The following SNAP91 variants were observed in gnomAD, a reference collection of about 807,000 sequenced individuals.
SNAP91 encodes the protein clathrin coat assembly protein AP180.
In SNAP91, 27 loss-of-function variants were observed where a neutral mutation model predicts 100.3. The observed-to-expected ratio is 0.27, with a 90% CI of 0.20 to 0.37. The LOEUF is 0.37. Ranked by LOEUF, SNAP91 falls within the 10% of genes least tolerant of loss-of-function variation. The pLI is 1.00. For missense variants in SNAP91, 986 were observed against 1,123.7 expected (o/e 0.88, Z 1.75); for synonymous variants, 404 against 398.6 (o/e 1.01, Z -0.16).
chr6:83,653,843 G>A (rs1562519788), intron 7 of SNAP91, among the ~76,000 whole-genome samples: 1 of 152,042 alleles, frequency 6.6e-6, no homozygotes, highest in Admixed American at 6.6e-5. Flanking sequence ...ATGCTTCTTG[G>A]TTTTTCCTCT....
chr6:83,575,445 T>C (rs1816859684), intron 25 of SNAP91: 3 of 302,770 alleles, frequency 9.9e-6, no homozygotes, highest in Non-Finnish European at 1.8e-5. Context: ...ATATCATATA[T>C]ACTGTACACT....
chr6:83,565,460 T>C (rs1254120343), intron 26 of SNAP91, among the ~76,000 whole-genome samples: 1 of 152,208 alleles, frequency 6.6e-6, no homozygotes, highest in Non-Finnish European at 1.5e-5. Flanking sequence ...TAAGATGCCA[T>C]CTAAGCCCAT....
chr6:83,709,196 GC>G (rs1266542999), upstream of SNAP91: 2 of 152,254 alleles, frequency 1.3e-5, no homozygotes, highest in African/African-American at 4.8e-5. Context: ...GGAGCGCCTC[GC>G]GGCCCCCTCC....
chr6:83,679,740 C>A (rs977119242), intron 2 of SNAP91, among the ~76,000 whole-genome samples: 1 of 152,130 alleles, frequency 6.6e-6, no homozygotes, highest in African/African-American at 2.4e-5. Flanking sequence ...ACTGTAACAA[C>A]GATTAGTTTC....
At chr6:83,656,653 C>G in intron 7 of SNAP91, 101 bp downstream of exon 7, 1 of 493,512 alleles carries the variant, frequency 2.0e-6, no homozygotes, top group Non-Finnish European at 3.3e-6. Flanking sequence ...ATATTCCACA[C>G]AATATTGCCC....
intron 28 of SNAP91, among the ~76,000 whole-genome samples, chr6:83,558,673 G>A (rs572939739): frequency 1.9e-4 from 29 of 152,260 alleles, no homozygotes; most frequent in Non-Finnish European, 2.4e-4. Flanking sequence ...GGTATTCCAT[G>A]GATAAGACAG....
rs571784556 is a variant in SNAP91, at chr6:83,686,236, C to T, written c.131-20655G>A. 18 of 978,490 alleles carry T rather than the reference C, an allele frequency of 1.8e-5. No individual in the cohort carries two copies. In the South Asian group the frequency reaches 2.8e-4, roughly 15 times the overall value. The allele number at this position is 978,490 out of a possible 1,614,324, so 60.6% of individuals were successfully genotyped here. A position where few individuals can be genotyped will look rare whatever the true frequency, so the allele number is the denominator to read the frequency against. The stretch of plus-strand genomic sequence containing the variant: ...TCCTGCACCGGGCCTGCAAAACATA[C>T]GAAATTAGATGAACCCTCACAGGTA... On this transcript the variant is annotated intron_variant, in intron 2 of 29. Transcript: ENST00000369694.
intron 2 of SNAP91, among the ~76,000 whole-genome samples, chr6:83,671,636 T>G (rs1377839827): frequency 2.6e-5 from 4 of 152,010 alleles, no homozygotes; most frequent in African/African-American, 9.7e-5. Flanking sequence ...CTTAGAAAGA[T>G]TAATTAAATC....
chr6:83,661,400 C>A (rs769242325), intron 5 of SNAP91, 102 bp downstream of exon 5: 4 of 628,272 alleles, frequency 6.4e-6, no homozygotes, highest in South Asian at 2.7e-5. Flanking sequence ...GTAAACTGGG[C>A]CTTCAAGAAA....
chr6:83,583,257 C>T (rs905491693), intron 22 of SNAP91, among the ~76,000 whole-genome samples: 1 of 152,142 alleles, frequency 6.6e-6, no homozygotes, highest in Non-Finnish European at 1.5e-5. Flanking sequence ...CCCTGCTACT[C>T]TCATTACATG....
intron 26 of SNAP91, among the ~76,000 whole-genome samples, chr6:83,568,817 A>C (rs1801508635): frequency 6.6e-6 from 1 of 152,200 alleles, no homozygotes; most frequent in Middle Eastern, 3.2e-3. Flanking sequence ...CTCCTTCTCA[A>C]TAGCAAAGAC....
At chr6:83,706,999 G>A (rs553337423) in intron 2 of SNAP91, among the ~76,000 whole-genome samples, 1 of 152,182 alleles carries the variant, frequency 6.6e-6, no homozygotes, top group Non-Finnish European at 1.5e-5. Context: ...ATAGATTCCA[G>A]AGTAGAATAA....
chr6:83,627,870 G>T (rs1009853914), intron 8 of SNAP91, among the ~76,000 whole-genome samples: 12 of 151,576 alleles, frequency 7.9e-5, no homozygotes, highest in African/African-American at 2.9e-4. Flanking sequence ...ATTTCCATAG[G>T]TTATTGGGGA....
chr6:83,555,275 G>T (rs1776190167), intron 29 of SNAP91, among the ~76,000 whole-genome samples: 1 of 151,720 alleles, frequency 6.6e-6, no homozygotes, highest in Non-Finnish European at 1.5e-5. Context: ...CATTAGGGAA[G>T]GGTTTTAAGA....
At chr6:83,661,963 A>T (rs2098551423) in intron 4 of SNAP91, among the ~76,000 whole-genome samples, 1 of 152,182 alleles carries the variant, frequency 6.6e-6, no homozygotes, top group African/African-American at 2.4e-5. Flanking sequence ...ATAAACAGTG[A>T]ATATGATAAA....
chr6:83,591,194 C>A lies in SNAP91; in HGVS notation c.2014+17G>T, dbSNP rs1263783685. The A allele has an allele frequency of 6.6e-7, 1 of 1,515,922 alleles. No homozygotes were observed. The highest frequency in any genetic ancestry group is 1.7e-5 in the Admixed American group (1 of 59,434). The allele number at this position is 1,515,922 out of a possible 1,614,324, so 93.9% of individuals were successfully genotyped here. A position where few individuals can be genotyped will look rare whatever the true frequency, so the allele number is the denominator to read the frequency against. ...TCCAAATTTAACTTCTACAAAATACCATTTTAATTTAATTACCAGCTAGTA... is the reference window on the plus strand; with the variant it reads ...TCCAAATTTAACTTCTACAAAATACAATTTTAATTTAATTACCAGCTAGTA... On this transcript the variant is annotated intron_variant, in intron 22 of 29. Transcript: ENST00000369694.
At chr6:83,680,736 G>A (rs1412122650) in intron 2 of SNAP91, among the ~76,000 whole-genome samples, 1 of 152,094 alleles carries the variant, frequency 6.6e-6, no homozygotes, top group African/African-American at 2.4e-5. Context: ...CTTGTGTATT[G>A]AGGATGTTTA....
intron 19 of SNAP91, 38 bp downstream of exon 19, chr6:83,593,144 G>A (rs1172916990): frequency 3.2e-6 from 5 of 1,547,772 alleles, no homozygotes; most frequent in Admixed American, 2.0e-5. Context: ...AAACATCTAA[G>A]AAACTAAAGT....
chr6:83,577,538 C>CG (rs1821004235), intron 24 of SNAP91, among the ~76,000 whole-genome samples: 1 of 151,972 alleles, frequency 6.6e-6, no homozygotes, highest in Non-Finnish European at 1.5e-5. Context: ...TCATGGCAGA[C>CG]GGGAATGAGT....
Sources: allele counts gnomAD v4.1 joint callset (sites outside exome capture counted in the v4.1 genomes callset), GRCh38; gene constraint gnomAD v4.1.1; transcripts MANE v1.5; gene names NCBI Gene and HGNC (gene_info 2026-07-23, HGNC 2026-07-21).